NHS: variants seen among roughly 807,000 people sequenced by gnomAD.
NHS encodes actin remodeling regulator NHS.
Under a neutral mutation model 72.5 loss-of-function variants are expected in NHS, and 5 were observed. The observed-to-expected ratio is 0.07, with a 90% confidence interval of 0.04 to 0.14. NHS has a LOEUF of 0.14. NHS is among the 10% of genes least tolerant of loss of function. The pLI is 1.00. For synonymous variants in NHS, 464 were observed against 547.7 expected (o/e 0.85, Z 2.13); for missense variants, 1,072 against 1,355.7 (o/e 0.79, Z 3.29).
At chrX:17,699,814 T>C in intron 3 of NHS, among the ~76,000 whole-genome samples, 1 of 112,099 alleles carries the variant, frequency 8.9e-6, no homozygotes, top group Non-Finnish European at 1.9e-5. Flanking sequence ...CATGAACTAT[T>C]CTTTGACCTC....
chrX:17,462,002 T>C lies in NHS; in HGVS notation c.565+85680T>C, dbSNP rs184838060. Among the ~76,000 whole-genome samples, 161 of 111,091 alleles carry C rather than the reference T, an allele frequency of 1.4e-3. 1 individual carries two copies. The highest frequency in any genetic ancestry group is 4.8e-3 in the African/African-American group (148 of 30,555). Reference sequence around the variant, plus strand: ...CATTATGTTTGCTAATGGCCCATTGTCCAAAGCAAGTCACATGGTCAGCTC... The same window carrying C: ...CATTATGTTTGCTAATGGCCCATTGCCCAAAGCAAGTCACATGGTCAGCTC... On this transcript the variant is annotated intron_variant, in intron 1 of 8. Transcript: ENST00000676302.
intron 1 of NHS, among the ~76,000 whole-genome samples, chrX:17,671,826 A>G (rs2066048455): frequency 8.9e-6 from 1 of 111,973 alleles, no homozygotes; most frequent in South Asian, 3.7e-4. Context: ...AGATGAAAAC[A>G]TTGGTCTTCC....
At chrX:17,522,217 C>T (rs1187628458) in intron 1 of NHS, among the ~76,000 whole-genome samples, 1 of 112,435 alleles carries the variant, frequency 8.9e-6, no homozygotes, top group Non-Finnish European at 1.9e-5. Flanking sequence ...GTGCTGCCTC[C>T]GAGTCACCTG....
At position 17,376,057 on chromosome X, in the gene NHS, G is replaced by C. The variant is rs1227088807; in HGVS notation, c.300G>C (p.Pro100=). 3 of 1,057,629 alleles carry C rather than the reference G, an allele frequency of 2.8e-6. No individual in the cohort carries two copies. Among genetic ancestry groups the C allele is most frequent in the East Asian group, 4.0e-5 (1 of 25,084 alleles). 87.2% of individuals were successfully genotyped at this position (1,057,629 alleles called of 1,213,427 possible). The change falls in exon 1 of 9, where the codon CCG becomes CCC. Residue 100 remains proline, a synonymous_variant. Coordinates refer to ENST00000676302, the MANE Select transcript of NHS (RefSeq NM_001291867.2). The stretch of plus-strand genomic sequence containing the variant: ...GCGAGGAGAGCACGGCGGGGATCCC[G>C]GAGGCGGCGCCCGCAGCCGGCGAGG... ...VAGEESTAGI[P]EAAPAAGEAS...
intron 1 of NHS, among the ~76,000 whole-genome samples, chrX:17,556,999 T>TAA (rs758662153): frequency 5.5e-5 from 6 of 108,995 alleles, no homozygotes; most frequent in Middle Eastern, 4.7e-3. Context: ...TATATATATA[T>TAA]AACGTACTGT....
intron 1 of NHS, among the ~76,000 whole-genome samples, chrX:17,554,417 C>T (rs894837033): frequency 1.4e-4 from 16 of 112,007 alleles, no homozygotes; most frequent in African/African-American, 4.6e-4. Context: ...AGGGGGGACA[C>T]GGGTCATGAG....
chrX:17,646,353 G>C (rs1371366250), intron 1 of NHS, among the ~76,000 whole-genome samples: 1 of 111,899 alleles, frequency 8.9e-6, no homozygotes, highest in Non-Finnish European at 1.9e-5. Flanking sequence ...ACATGGATAA[G>C]GGGCTTTTGA....
At chrX:17,460,253 T>C (rs866165695) in intron 1 of NHS, among the ~76,000 whole-genome samples, 56 of 112,348 alleles carry the variant, frequency 5.0e-4, no homozygotes, top group African/African-American at 1.6e-3. Context: ...AGATATAATT[T>C]ACATGCCATA....
At chrX:17,546,936 T>A (rs2146956287) in intron 1 of NHS, among the ~76,000 whole-genome samples, 1 of 112,267 alleles carries the variant, frequency 8.9e-6, no homozygotes, top group African/African-American at 3.2e-5. Context: ...GAGGTTGACC[T>A]TGACTCAACA....
At chrX:17,662,476 G>C (rs779444167) in intron 1 of NHS, among the ~76,000 whole-genome samples, 1 of 111,534 alleles carries the variant, frequency 9.0e-6, no homozygotes. Context: ...TTTGGGCATG[G>C]CACTGGCAAT....
chrX:17,690,655 G>C (rs917664911), intron 2 of NHS, among the ~76,000 whole-genome samples: 2 of 112,360 alleles, frequency 1.8e-5, no homozygotes, highest in South Asian at 7.4e-4. Flanking sequence ...CCCTGGTCTA[G>C]TGGAGAGACA....
intron 1 of NHS, among the ~76,000 whole-genome samples, chrX:17,642,838 G>A (rs1167083312): frequency 8.9e-6 from 1 of 112,552 alleles, no homozygotes; most frequent in African/African-American, 3.2e-5. Context: ...TTATCTTCCA[G>A]TGATTTCATT....
At chrX:17,586,154 C>T (rs1470037543) in intron 1 of NHS, 1 of 111,324 alleles carries the variant, frequency 9.0e-6, no homozygotes, top group Non-Finnish European at 1.9e-5. Context: ...TGTGCCCCCT[C>T]TTATCTATTT....
chrX:17,627,721 A>G (rs1200689677), intron 1 of NHS, among the ~76,000 whole-genome samples: 1 of 112,046 alleles, frequency 8.9e-6, no homozygotes, highest in Non-Finnish European at 1.9e-5. Context: ...TGGGTAAAAT[A>G]CAGTTAATAC....
Position 17,514,215 on chromosome X carries a change from T to G in NHS, c.565+137893T>G, listed in dbSNP as rs780277010. The stretch of plus-strand genomic sequence containing the variant: ...GACAAAGCCAAACCAAATCAGCATG[T>G]CTGTGAGGGTGTTACCAAAGGAGAT... On this transcript the variant is annotated intron_variant, in intron 1 of 8. Coordinates refer to ENST00000676302, the MANE Select transcript of NHS (RefSeq NM_001291867.2). Among the ~76,000 whole-genome samples the G allele has an allele frequency of 2.7e-5, 3 of 112,414 alleles. No individual in the cohort carries two copies. In the South Asian group the frequency reaches 1.1e-3, roughly 42 times the overall value.
intron 1 of NHS, among the ~76,000 whole-genome samples, chrX:17,627,635 A>C (rs762844388): frequency 5.3e-5 from 6 of 112,600 alleles, no homozygotes; most frequent in African/African-American, 1.9e-4. Flanking sequence ...TAGGGACCTC[A>C]GTGATCATCT....
chrX:17,659,655 A>G (rs760205572), intron 1 of NHS, among the ~76,000 whole-genome samples: 3 of 112,174 alleles, frequency 2.7e-5, no homozygotes, highest in Non-Finnish European at 3.8e-5. Context: ...GTAGTCATTA[A>G]AAGTGACTTC....
At chrX:17,470,613 T>C (rs181391543) in intron 1 of NHS, among the ~76,000 whole-genome samples, 3 of 111,698 alleles carry the variant, frequency 2.7e-5, no homozygotes, top group African/African-American at 9.8e-5. Flanking sequence ...CCAGGTCTCT[T>C]TACCTGCTCG....
rs537307555 is a variant in NHS, at chrX:17,719,324, T to C, written c.853-20T>C. Reference sequence around the variant, plus strand: ...GTGCACGTTTTTAATTTTTTCTTTTTTTGCATTTCATGTTCATAGTTTAAC... The same window carrying C: ...GTGCACGTTTTTAATTTTTTCTTTTCTTGCATTTCATGTTCATAGTTTAAC... On this transcript the variant is annotated intron_variant, in intron 3 of 8. Transcript: ENST00000676302. 3.3e-3 allele frequency: 3,852 copies of C among 1,163,458 alleles called. 53 individuals are homozygous for C. In the South Asian group the frequency reaches 0.059, roughly 18 times the overall value.
Sources: allele counts gnomAD v4.1 joint callset (sites outside exome capture counted in the v4.1 genomes callset), GRCh38; gene constraint gnomAD v4.1.1; transcripts MANE v1.5; gene names NCBI Gene and HGNC (gene_info 2026-07-23, HGNC 2026-07-21).